Variants in LINGO2 observed in about 807,000 individuals in gnomAD.
The protein encoded by LINGO2 is leucine-rich repeat and immunoglobulin-like domain-containing nogo receptor-interacting protein 2.
In LINGO2, 14 loss-of-function variants were observed where a neutral mutation model predicts 30.6. The observed-to-expected ratio is 0.46, with a 90% CI of 0.30 to 0.72. The LOEUF (loss-of-function observed/expected upper bound fraction) is 0.72. LINGO2 is among the 30% of genes least tolerant of loss of function. LINGO2 has a pLI of 0.07. For synonymous variants in LINGO2, 317 were observed against 288.5 expected (o/e 1.10, Z -1.00); for missense variants, 729 against 751.7 (o/e 0.97, Z 0.35).
At chr9:28,747,827 C>T in the LINGO2 span, among the ~76,000 whole-genome samples, 1,501 of 152,164 alleles carry the variant, frequency 9.9e-3, 42 homozygotes, top group African/African-American at 0.035. Context: ...AAAACAATTG[C>T]AGATAACTCC....
At chr9:29,182,009 A>G in the LINGO2 span, among the ~76,000 whole-genome samples, 1 of 152,218 alleles carries the variant, frequency 6.6e-6, no homozygotes, top group Admixed American at 6.5e-5. Flanking sequence ...CATAGTACAC[A>G]GCCTACATGG....
At chr9:28,622,189 A>T (rs1021966249) in intron 1 of LINGO2, among the ~76,000 whole-genome samples, 1 of 151,926 alleles carries the variant, frequency 6.6e-6, no homozygotes, top group African/African-American at 2.4e-5. Context: ...AAAATCTACA[A>T]TTAAACTATT....
the LINGO2 span, among the ~76,000 whole-genome samples, chr9:28,916,615 G>A: frequency 6.6e-6 from 1 of 152,148 alleles, no homozygotes; most frequent in Non-Finnish European, 1.5e-5. Flanking sequence ...CAGTTGTCTT[G>A]CCTTTTAGGG....
chr9:28,436,509 A>G lies in LINGO2; in HGVS notation c.-279+39431T>C, dbSNP rs545541512. Among the ~76,000 whole-genome samples the G allele has an allele frequency of 9.2e-3, 1,399 of 151,622 alleles. 20 individuals carry two copies. The highest frequency in any genetic ancestry group is 0.029 in the African/African-American group (1,203 of 41,296). On this transcript the variant is annotated intron_variant, in intron 2 of 5. Transcript: ENST00000379992. The stretch of plus-strand genomic sequence containing the variant: ...GTCTCGCTCTGTCGCCAAGGCTGGA[A>G]TGCAGTGGCGCAGTCTCGGCTCACT...
At chr9:28,397,002 T>G (rs2134721002) in intron 2 of LINGO2, among the ~76,000 whole-genome samples, 1 of 152,240 alleles carries the variant, frequency 6.6e-6, no homozygotes, top group South Asian at 2.1e-4. Flanking sequence ...CTACACTCCT[T>G]TACTAATCAT....
chr9:27,944,947 T>C (rs1038210704), downstream of LINGO2, among the ~76,000 whole-genome samples: 14 of 152,114 alleles, frequency 9.2e-5, no homozygotes, highest in African/African-American at 3.4e-4. Context: ...ACTACAAAAA[T>C]TGGCAAGAAA....
At chr9:28,993,492 G>A in the LINGO2 span, among the ~76,000 whole-genome samples, 3 of 152,086 alleles carry the variant, frequency 2.0e-5, no homozygotes, top group South Asian at 2.1e-4. Context: ...TAGAAAAAGA[G>A]GGAATCCTCC....
the LINGO2 span, among the ~76,000 whole-genome samples, chr9:29,082,133 C>T: frequency 2.6e-5 from 4 of 152,070 alleles, no homozygotes; most frequent in African/African-American, 9.7e-5. Context: ...CAACCCTAAG[C>T]CAAAAGAACA....
At chr9:28,131,298 C>G (rs1421862364) in intron 4 of LINGO2, among the ~76,000 whole-genome samples, 1 of 152,038 alleles carries the variant, frequency 6.6e-6, no homozygotes, top group African/African-American at 2.4e-5. Context: ...CCCCCTGAGT[C>G]ATATGGATCT....
At chr9:28,123,264 A>G (rs2133406836) in intron 4 of LINGO2, among the ~76,000 whole-genome samples, 1 of 152,372 alleles carries the variant, frequency 6.6e-6, no homozygotes, top group South Asian at 2.1e-4. Context: ...GGTTTCAAAA[A>G]GGAAATCTAA....
the LINGO2 span, among the ~76,000 whole-genome samples, chr9:28,692,308 C>G: frequency 6.6e-6 from 1 of 151,900 alleles, no homozygotes; most frequent in African/African-American, 2.4e-5. Flanking sequence ...AACCCCGTCT[C>G]TACTAAAAAT....
At chr9:28,993,094 A>T in the LINGO2 span, among the ~76,000 whole-genome samples, 1 of 152,220 alleles carries the variant, frequency 6.6e-6, no homozygotes, top group Non-Finnish European at 1.5e-5. Context: ...TTTTGAAAGG[A>T]TAAACAAAAT....
At chr9:28,714,173 A>ATATATG in the LINGO2 span, among the ~76,000 whole-genome samples, 1 of 89,324 alleles carries the variant, frequency 1.1e-5, no homozygotes, top group Non-Finnish European at 2.0e-5. Context: ...TAATATATAT[A>ATATATG]TATATATATA....
the LINGO2 span, among the ~76,000 whole-genome samples, chr9:28,717,818 A>G: frequency 7.2e-5 from 11 of 152,078 alleles, no homozygotes; most frequent in African/African-American, 2.6e-4. Flanking sequence ...ACTCGTTCCC[A>G]ACTACTGTCA....
chr9:28,835,586 T>C, the LINGO2 span, among the ~76,000 whole-genome samples: 1 of 152,214 alleles, frequency 6.6e-6, no homozygotes, highest in African/African-American at 2.4e-5. Flanking sequence ...TTGACCAACA[T>C]ATAACACATA....
the LINGO2 span, among the ~76,000 whole-genome samples, chr9:28,857,522 C>T: frequency 6.6e-6 from 1 of 151,992 alleles, no homozygotes; most frequent in Non-Finnish European, 1.5e-5. Flanking sequence ...CAGTCTGATT[C>T]GAGAGCCCAT....
rs185183446 is a variant in LINGO2 at position 28,155,052 on chromosome 9, T to A, written c.-87+140156A>T. On this transcript the variant is annotated intron_variant, in intron 4 of 5. Coordinates refer to ENST00000379992, the Ensembl canonical transcript of LINGO2. The stretch of plus-strand genomic sequence containing the variant: ...ATTGAAACTTGATGTATTGGTAGTT[T>A]ATTGCAGACAAATCTTTCTGAGAGC... Among the ~76,000 whole-genome samples, 4 of 152,350 alleles carry A rather than the reference T, an allele frequency of 2.6e-5. No homozygotes were observed. In the East Asian group the frequency reaches 7.7e-4, roughly 29 times the overall value.
the LINGO2 span, among the ~76,000 whole-genome samples, chr9:29,030,308 C>G: frequency 6.6e-6 from 1 of 152,002 alleles, no homozygotes; most frequent in African/African-American, 2.4e-5. Flanking sequence ...ATCAATTCCA[C>G]AATGCATACT....
At chr9:28,499,549 C>T (rs1273747324) in intron 1 of LINGO2, among the ~76,000 whole-genome samples, 2 of 152,172 alleles carry the variant, frequency 1.3e-5, no homozygotes, top group African/African-American at 4.8e-5. Flanking sequence ...TGGTTTCAAA[C>T]CCAGACTTCC....
Sources: allele counts gnomAD v4.1 joint callset (sites outside exome capture counted in the v4.1 genomes callset), GRCh38; gene constraint gnomAD v4.1.1; transcripts MANE v1.5; gene names NCBI Gene and HGNC (gene_info 2026-07-23, HGNC 2026-07-21).